Variants in COL5A2 observed in about 807,000 individuals in gnomAD.
The protein encoded by COL5A2 is collagen alpha-2(V) chain.
Under a neutral mutation model 208.2 loss-of-function variants are expected in COL5A2, and 23 were observed. That is an observed-to-expected ratio of 0.11 (90% CI 0.08 to 0.16). COL5A2 has a LOEUF of 0.16. Among genes scored for constraint, COL5A2 ranks in the 10% least tolerant of loss-of-function variants. The pLI, the probability that COL5A2 is intolerant of heterozygous loss-of-function variation, is 1.00. For missense variants in COL5A2, 1,590 were observed against 1,956.4 expected, an observed-to-expected ratio of 0.81 and a Z score of 3.53; for synonymous variants, 625 against 628.5, an observed-to-expected ratio of 0.99 and a Z score of 0.08.
the COL5A2 span, among the ~76,000 whole-genome samples, chr2:189,422,161 A>G: frequency 6.6e-6 from 1 of 152,206 alleles, no homozygotes; most frequent in African/African-American, 2.4e-5. Context: ...CCAGAGAGAA[A>G]AAATAAAGTG....
chr2:189,063,347 GCTTA>G, intron 26 of COL5A2, 77 bp from the exon 27 acceptor site: 1 of 1,156,782 alleles, frequency 8.6e-7, no homozygotes, highest in South Asian at 1.2e-5. Context: ...TGTCACCTTT[GCTTA>G]CTATCATGTT....
chr2:189,141,362 C>T (rs1473538500), intron 1 of COL5A2, among the ~76,000 whole-genome samples: 1 of 151,978 alleles, frequency 6.6e-6, no homozygotes, highest in Non-Finnish European at 1.5e-5. Context: ...AAATTATTTG[C>T]CTATTTTGCC....
At chr2:189,263,014 A>G in the COL5A2 span, among the ~76,000 whole-genome samples, 233 of 152,242 alleles carry the variant, frequency 1.5e-3, no homozygotes, top group African/African-American at 5.6e-3. Context: ...TTGCATATAT[A>G]ATGAAGTTGT....
At chr2:189,270,865 GACAA>G in the COL5A2 span, among the ~76,000 whole-genome samples, 12 of 152,090 alleles carry the variant, frequency 7.9e-5, no homozygotes, top group Admixed American at 3.3e-4. Flanking sequence ...ACCAATAATC[GACAA>G]ACAGAGAGCC....
At chr2:189,205,566 T>A (rs1689131864) in intron 1 of COL5A2, among the ~76,000 whole-genome samples, 1 of 152,236 alleles carries the variant, frequency 6.6e-6, no homozygotes, top group Non-Finnish European at 1.5e-5. Context: ...GTTCATAACC[T>A]ACTTGTTACC....
the COL5A2 span, among the ~76,000 whole-genome samples, chr2:189,384,649 C>T: frequency 6.6e-6 from 1 of 152,098 alleles, no homozygotes; most frequent in African/African-American, 2.4e-5. Flanking sequence ...GGTTATTAAT[C>T]TCTTTTCAGA....
the COL5A2 span, among the ~76,000 whole-genome samples, chr2:189,285,263 CT>C: frequency 7.9e-5 from 12 of 152,042 alleles, no homozygotes; most frequent in African/African-American, 2.7e-4. Context: ...CACTGTTCCC[CT>C]AATGCCAGAC....
chr2:189,215,888 G>C (rs969797897), intron 1 of COL5A2, among the ~76,000 whole-genome samples: 19 of 152,232 alleles, frequency 1.2e-4, no homozygotes, highest in African/African-American at 4.6e-4. Flanking sequence ...AAGTAGGAAA[G>C]CTCCCAAAAT....
upstream of COL5A2, chr2:189,179,992 T>C: frequency 2.3e-6 from 1 of 430,076 alleles, no homozygotes; most frequent in South Asian, 6.6e-5. Context: ...AACATTTGTT[T>C]CTCTTTTCTT....
chr2:189,177,432 A>G (rs538643810), intron 1 of COL5A2, among the ~76,000 whole-genome samples: 2 of 152,358 alleles, frequency 1.3e-5, no homozygotes, highest in Admixed American at 6.5e-5. Context: ...CATAGTAAGT[A>G]AGTACAATAT....
At chr2:189,243,815 T>C in the COL5A2 span, among the ~76,000 whole-genome samples, 1 of 152,186 alleles carries the variant, frequency 6.6e-6, no homozygotes, top group Non-Finnish European at 1.5e-5. Context: ...AGCAAGATAG[T>C]TACTTCCTAG....
intron 21 of COL5A2, 71 bp downstream of exon 21, chr2:189,067,944 G>A: frequency 8.2e-7 from 1 of 1,221,512 alleles, no homozygotes; most frequent in Non-Finnish European, 1.2e-6. Context: ...TGCATCACAT[G>A]ACATGTTATT....
intron 3 of COL5A2, 152 bp downstream of exon 3, chr2:189,104,112 A>AGCTG: frequency 3.1e-6 from 2 of 644,726 alleles, no homozygotes; most frequent in Non-Finnish European, 5.9e-6. Flanking sequence ...GAAACACAGT[A>AGCTG]GCTGAACTGT....
At chr2:189,420,768 C>T in the COL5A2 span, among the ~76,000 whole-genome samples, 11 of 152,104 alleles carry the variant, frequency 7.2e-5, no homozygotes, top group Non-Finnish European at 1.5e-4. Flanking sequence ...CTGTTCCCAT[C>T]CTCCATCAGC....
At chr2:189,324,237 C>A in the COL5A2 span, among the ~76,000 whole-genome samples, 1 of 152,164 alleles carries the variant, frequency 6.6e-6, no homozygotes, top group Non-Finnish European at 1.5e-5. Flanking sequence ...GGCAATACCA[C>A]TCAAGACATA....
chr2:189,317,753 A>AT, the COL5A2 span, among the ~76,000 whole-genome samples: 1 of 152,124 alleles, frequency 6.6e-6, no homozygotes, highest in East Asian at 1.9e-4. Context: ...TATACTAAGA[A>AT]TTTTTTTTAT....
intron 4 of COL5A2, 40 bp downstream of exon 4, chr2:189,100,067 A>T (rs772900669): frequency 7.3e-6 from 11 of 1,512,752 alleles, no homozygotes; most frequent in Admixed American, 1.7e-5. Context: ...AGCTAAGTTT[A>T]TTTAAGGTAC....
chr2:189,349,163 T>A, the COL5A2 span, among the ~76,000 whole-genome samples: 1 of 152,132 alleles, frequency 6.6e-6, no homozygotes, highest in Non-Finnish European at 1.5e-5. Flanking sequence ...GTCAGATGAT[T>A]CCTTAATACA....
the COL5A2 span, among the ~76,000 whole-genome samples, chr2:189,270,544 G>A: frequency 1.3e-5 from 2 of 152,132 alleles, no homozygotes; most frequent in Non-Finnish European, 2.9e-5. Flanking sequence ...TTTGGAGTGA[G>A]TTTCTTAATC....
Sources: allele counts gnomAD v4.1 joint callset (sites outside exome capture counted in the v4.1 genomes callset), GRCh38; gene constraint gnomAD v4.1.1; transcripts MANE v1.5; gene names NCBI Gene and HGNC (gene_info 2026-07-23, HGNC 2026-07-21).